Variants in INTS9 observed in about 807,000 individuals in gnomAD.
INTS9 encodes integrator complex subunit 9.
Under a neutral mutation model 79.7 loss-of-function variants are expected in INTS9, and 55 were observed. The ratio of observed to expected loss-of-function variants is 0.69; its 90% CI spans 0.56 to 0.86. The LOEUF (loss-of-function observed/expected upper bound fraction) is 0.86, where lower values mean the gene tolerates loss of function less well. Ranked by LOEUF, INTS9 falls within the 40% of genes least tolerant of loss-of-function variation. INTS9 has a pLI of 0.00. For synonymous variants in INTS9, 319 were observed against 325.2 expected (o/e 0.98, Z 0.20); for missense variants, 721 against 831.5 (o/e 0.87, Z 1.64).
chr8:28,829,303 A>G (rs1051271147), intron 6 of INTS9, among the ~76,000 whole-genome samples: 3 of 152,196 alleles, frequency 2.0e-5, no homozygotes, highest in Non-Finnish European at 2.9e-5. Context: ...ATTGTGAGGG[A>G]TTCTCCTTTT....
intron 10 of INTS9, 112 bp from the exon 11 acceptor site, chr8:28,788,001 C>G: frequency 1.8e-6 from 1 of 560,998 alleles, no homozygotes. Context: ...TTAAAAATTT[C>G]CCGCCAGTGA....
chr8:28,769,115 A>G (rs1802378650), intron 16 of INTS9, among the ~76,000 whole-genome samples: 1 of 152,186 alleles, frequency 6.6e-6, no homozygotes, highest in South Asian at 2.1e-4. Flanking sequence ...CTTTTTCCCT[A>G]CGGGAAAATC....
chr8:28,786,135 C>T (rs553775986), intron 11 of INTS9, among the ~76,000 whole-genome samples: 1 of 152,156 alleles, frequency 6.6e-6, no homozygotes, highest in South Asian at 2.1e-4. Flanking sequence ...CTTTCACTCA[C>T]ATTATGTTTG....
intron 8 of INTS9, among the ~76,000 whole-genome samples, chr8:28,803,346 A>G (rs986756250): frequency 1.3e-5 from 2 of 152,206 alleles, no homozygotes; most frequent in African/African-American, 4.8e-5. Flanking sequence ...AAGCAAATCC[A>G]TTCATTTGAT....
At chr8:28,858,695 T>TCTTCAG (rs1353126287) in intron 2 of INTS9, among the ~76,000 whole-genome samples, 1 of 152,246 alleles carries the variant, frequency 6.6e-6, no homozygotes, top group Non-Finnish European at 1.5e-5. Context: ...TTGTACTCAG[T>TCTTCAG]GATGTCTTCA....
At chr8:28,799,160 C>G (rs241168) in intron 8 of INTS9, among the ~76,000 whole-genome samples, 119,733 of 151,998 alleles carry the variant, frequency 0.79, 47,356 homozygotes, top group Non-Finnish European at 0.81. Flanking sequence ...GCTAGGCGTG[C>G]TGGCGGGCAC....
intron 6 of INTS9, among the ~76,000 whole-genome samples, chr8:28,820,119 G>C (rs1805741433): frequency 6.6e-6 from 1 of 152,200 alleles, no homozygotes; most frequent in African/African-American, 2.4e-5. Context: ...TTGCCAGTCT[G>C]TGTCTTTTAA....
chr8:28,809,922 T>C (rs1217464684), intron 8 of INTS9, among the ~76,000 whole-genome samples: 1 of 152,214 alleles, frequency 6.6e-6, no homozygotes, highest in African/African-American at 2.4e-5. Context: ...CATCCTATTG[T>C]TCAACACTAG....
At chr8:28,823,788 A>G (rs137862967) in intron 6 of INTS9, among the ~76,000 whole-genome samples, 2 of 152,354 alleles carry the variant, frequency 1.3e-5, no homozygotes, top group East Asian at 3.9e-4. Context: ...GTTGCACAAG[A>G]TAGAAAAAAT....
intron 2 of INTS9, among the ~76,000 whole-genome samples, chr8:28,851,743 G>C (rs546487012): frequency 7.2e-5 from 11 of 151,982 alleles, no homozygotes; most frequent in Non-Finnish European, 1.5e-4. Context: ...AGCCGGGGGT[G>C]GGGGGTAAGT....
chr8:28,772,095 C>G (rs1802577725), intron 14 of INTS9, among the ~76,000 whole-genome samples: 1 of 152,174 alleles, frequency 6.6e-6, no homozygotes, highest in Admixed American at 6.5e-5. Flanking sequence ...CTCCTGGCAT[C>G]AAGTGATCCT....
chr8:28,861,245 C>T (rs1024577038), intron 1 of INTS9, among the ~76,000 whole-genome samples: 3 of 152,110 alleles, frequency 2.0e-5, no homozygotes, highest in Non-Finnish European at 4.4e-5. Flanking sequence ...ATTTTTTCCT[C>T]CTAATTAAGA....
In INTS9 at chr8:28,818,434, G is replaced by A. The variant is rs1031398784; in HGVS notation, c.489-4822C>T. ...TCATGTGGTTTTTGTCTTTGGTTCT[G>A]TTTATATGCTGGATTACATTTCTTG... On this transcript the variant is annotated intron_variant, in intron 6 of 16. Coordinates refer to ENST00000521022, the MANE Select transcript of INTS9 (RefSeq NM_018250.4). 6.6e-3 allele frequency among the ~76,000 whole-genome samples: 997 copies of A among 151,748 alleles called. 8 individuals are homozygous for A. The highest frequency in any genetic ancestry group is 0.023 in the African/African-American group (948 of 41,484).
At chr8:28,833,724 C>T (rs905195698) in intron 6 of INTS9, among the ~76,000 whole-genome samples, 4 of 151,090 alleles carry the variant, frequency 2.6e-5, no homozygotes, top group Admixed American at 6.6e-5. Context: ...CCAGACTTGA[C>T]GCCACCATCA....
rs183253936 is a variant in INTS9 at position 28,771,424 on chromosome 8, C to T, written c.1564-344G>A. 2.0e-4 allele frequency among the ~76,000 whole-genome samples: 30 copies of T among 152,204 alleles called. 1 individual carries two copies. The South Asian group carries it at 2.5e-3, about 13-fold the overall frequency. On this transcript the variant is annotated intron_variant, in intron 14 of 16. Transcript: ENST00000521022. The stretch of plus-strand genomic sequence containing the variant: ...CTTTACCTGGGGGGTGGTATCTTTC[C>T]GACCACCTGCACCTGATGGGTGCCC...
chr8:28,851,607 T>C (rs944170489), intron 2 of INTS9, among the ~76,000 whole-genome samples: 1 of 151,816 alleles, frequency 6.6e-6, no homozygotes, highest in Non-Finnish European at 1.5e-5. Flanking sequence ...CTGGCTAATT[T>C]TTTGTATTTT....
intron 2 of INTS9, among the ~76,000 whole-genome samples, chr8:28,851,140 A>G (rs2131259394): frequency 6.6e-6 from 1 of 152,268 alleles, no homozygotes; most frequent in East Asian, 1.9e-4. Flanking sequence ...GGATTTCAGC[A>G]CTCACTACAA....
intron 4 of INTS9, among the ~76,000 whole-genome samples, chr8:28,842,969 G>T (rs910049735): frequency 2.0e-5 from 3 of 152,138 alleles, no homozygotes; most frequent in African/African-American, 7.2e-5. Context: ...ATTAGTGATG[G>T]TGTGTTTATG....
intron 8 of INTS9, among the ~76,000 whole-genome samples, chr8:28,800,499 AG>A (rs754204947): frequency 6.6e-6 from 1 of 152,236 alleles, no homozygotes; most frequent in Non-Finnish European, 1.5e-5. Flanking sequence ...AGTCTGAAGC[AG>A]CAAATGACAT....
Sources: allele counts gnomAD v4.1 joint callset (sites outside exome capture counted in the v4.1 genomes callset), GRCh38; gene constraint gnomAD v4.1.1; transcripts MANE v1.5; gene names NCBI Gene and HGNC (gene_info 2026-07-23, HGNC 2026-07-21).